Variants in RPS6KA2 observed in about 807,000 individuals in gnomAD.
The protein encoded by RPS6KA2 is ribosomal protein S6 kinase A2, also known as ribosomal protein S6 kinase alpha-2.
A neutral mutation model predicts 91.8 loss-of-function variants in RPS6KA2; 42 were observed. That is an observed-to-expected ratio of 0.46 (90% confidence interval 0.36 to 0.59). The LOEUF (loss-of-function observed/expected upper bound fraction) is 0.59, where lower values mean the gene tolerates loss of function less well. RPS6KA2 is among the 20% of genes least tolerant of loss of function. The probability of loss-of-function intolerance (pLI) is 0.00; values close to 1 mark genes in which losing one functional copy is unlikely to be tolerated. For synonymous variants in RPS6KA2, 414 were observed against 393.6 expected (o/e 1.05, Z -0.61); for missense variants, 798 against 978.5 (o/e 0.82, Z 2.46).
chr6:166,499,670 T>C (rs754198954), intron 7 of RPS6KA2, among the ~76,000 whole-genome samples: 2 of 152,172 alleles, frequency 1.3e-5, no homozygotes, highest in Admixed American at 6.5e-5. Context: ...TTGTGAGGCC[T>C]CCCCAGCCAG....
chr6:166,788,883 C>A (rs1278125823), intron 2 of RPS6KA2, among the ~76,000 whole-genome samples: 1 of 152,096 alleles, frequency 6.6e-6, no homozygotes, highest in Non-Finnish European at 1.5e-5. Context: ...GTGGGTGGAG[C>A]CAAGATGGCT....
chr6:166,548,781 A>G (rs999425671), intron 1 of RPS6KA2, among the ~76,000 whole-genome samples: 4 of 152,352 alleles, frequency 2.6e-5, no homozygotes, highest in Middle Eastern at 6.8e-3. Context: ...CTAGGGAAAA[A>G]TTCTTAGACA....
chr6:166,806,043 G>A (rs1779485395), intron 2 of RPS6KA2, among the ~76,000 whole-genome samples: 1 of 152,144 alleles, frequency 6.6e-6, no homozygotes, highest in Non-Finnish European at 1.5e-5. Context: ...CATATTTAAG[G>A]ATCGGAAAAT....
intron 2 of RPS6KA2, among the ~76,000 whole-genome samples, chr6:166,848,488 A>G (rs193053067): frequency 2.9e-3 from 437 of 152,332 alleles, no homozygotes; most frequent in Non-Finnish European, 4.3e-3. Context: ...TGCAAATGCA[A>G]AAATGTGGAA....
intron 2 of RPS6KA2, chr6:166,702,007 TG>T (rs1309171730): frequency 4.9e-5 from 50 of 1,024,202 alleles, no homozygotes; most frequent in Admixed American, 3.9e-4. Context: ...GGATCTCTTC[TG>T]TGAATTTTAC....
At chr6:166,671,476 C>G (rs867953465) in intron 2 of RPS6KA2, among the ~76,000 whole-genome samples, 2 of 152,032 alleles carry the variant, frequency 1.3e-5, no homozygotes, top group Non-Finnish European at 1.5e-5. Flanking sequence ...ACGCTGGTGA[C>G]CTGTATATTG....
chr6:166,617,976 G>A (rs1786480560), intron 1 of RPS6KA2, among the ~76,000 whole-genome samples: 1 of 152,230 alleles, frequency 6.6e-6, no homozygotes, highest in Non-Finnish European at 1.5e-5. Context: ...GGTCCAGGCT[G>A]ATGACACCAT....
intron 2 of RPS6KA2, among the ~76,000 whole-genome samples, chr6:166,845,310 G>A (rs770543026): frequency 8.5e-5 from 13 of 152,140 alleles, no homozygotes; most frequent in East Asian, 1.9e-4. Flanking sequence ...TCATCAAGAC[G>A]GAAAGTCAAC....
intron 2 of RPS6KA2, among the ~76,000 whole-genome samples, chr6:166,787,965 A>T (rs1375243869): frequency 1.3e-5 from 2 of 148,412 alleles, no homozygotes; most frequent in Non-Finnish European, 3.0e-5. Context: ...AAAGAAGTTA[A>T]ACAAATTTAC....
intron 2 of RPS6KA2, among the ~76,000 whole-genome samples, chr6:166,688,646 G>A (rs919211801): frequency 2.6e-5 from 4 of 152,238 alleles, no homozygotes; most frequent in Admixed American, 2.6e-4. Flanking sequence ...GTAGGGGGCG[G>A]GAAGGCGAGA....
intron 1 of RPS6KA2, among the ~76,000 whole-genome samples, chr6:166,860,561 A>G (rs7767948): frequency 0.77 from 117,037 of 152,084 alleles, 49,419 homozygotes; most frequent in Non-Finnish European, 0.93. Context: ...GAAATAATGT[A>G]AAGACCAGGG....
chr6:166,761,585 A>T (rs1276848071), intron 2 of RPS6KA2, among the ~76,000 whole-genome samples: 1 of 152,260 alleles, frequency 6.6e-6, no homozygotes, highest in African/African-American at 2.4e-5. Flanking sequence ...ACCACGACAC[A>T]GCGGAAAGCA....
chr6:166,488,833 C>A lies in RPS6KA2; in HGVS notation c.907G>T (p.Gly303Cys). ...GGTGGGGTGTCCCGGGGAATCTTACCCAGCCGGTTGCAGGGGTTCCGTTTG... is the reference window on the plus strand; with the variant it reads ...GGTGGGGTGTCCCGGGGAATCTTACACAGCCGGTTGCAGGGGTTCCGTTTG... ...LFKRNPCNRL[G>C]AGIDGVEEIK... Residue 303 changes from glycine (G) to cysteine (C), a missense_variant and splice_region_variant, in exon 10 of 21, where the codon GGT becomes TGT. Coordinates refer to ENST00000265678, the MANE Select transcript of RPS6KA2 (RefSeq NM_021135.6). 6.2e-7 allele frequency: 1 copy of A among 1,612,004 alleles called. No individual in the cohort carries two copies. Among genetic ancestry groups the A allele is most frequent in the Admixed American group, 1.7e-5 (1 of 59,948 alleles).
intron 14 of RPS6KA2, among the ~76,000 whole-genome samples, chr6:166,447,059 G>A (rs1044234953): frequency 2.0e-5 from 3 of 152,176 alleles, no homozygotes; most frequent in African/African-American, 4.8e-5. Context: ...GCCCATCTAA[G>A]TGCTCCTTTA....
At chr6:166,719,569 T>C (rs895670981) in intron 2 of RPS6KA2, among the ~76,000 whole-genome samples, 1 of 152,214 alleles carries the variant, frequency 6.6e-6, no homozygotes, top group Non-Finnish European at 1.5e-5. Context: ...TGAAAATACA[T>C]CTATTTTGCA....
chr6:166,414,427 T>C (rs535085418), intron 19 of RPS6KA2, among the ~76,000 whole-genome samples: 3 of 152,240 alleles, frequency 2.0e-5, no homozygotes, highest in African/African-American at 4.8e-5. Flanking sequence ...TGTGCAATAA[T>C]GGTATTTTTC....
chr6:166,488,774 G>A, intron 10 of RPS6KA2, 59 bp downstream of exon 10: 1 of 1,380,860 alleles, frequency 7.2e-7, no homozygotes, highest in South Asian at 1.2e-5. Context: ...CATCTCCACT[G>A]TAGCTTGCGG....
chr6:166,435,938 T>C lies in RPS6KA2; in HGVS notation c.1333-3448A>G, dbSNP rs933932308. 5.3e-5 allele frequency among the ~76,000 whole-genome samples: 8 copies of C among 152,212 alleles called. No homozygotes were observed. Among genetic ancestry groups the C allele is most frequent in the African/African-American group, 1.9e-4 (8 of 41,472 alleles). ...AGCCCCAGCTGAGACCTGGCCTCCC[T>C]GTCCACTCCCTGTGGGGTTGCAGGA... On this transcript the variant is annotated intron_variant, in intron 14 of 20. Coordinates refer to ENST00000265678, the MANE Select transcript of RPS6KA2 (RefSeq NM_021135.6). This position sits in a 1 kb window ranked among gnomAD's most constrained non-coding sequence, Gnocchi z 4.3.
At chr6:166,476,719 G>A (rs891240284) in intron 10 of RPS6KA2, among the ~76,000 whole-genome samples, 3 of 152,044 alleles carry the variant, frequency 2.0e-5, no homozygotes, top group Non-Finnish European at 4.4e-5. Flanking sequence ...CACACTAGGG[G>A]AGACACCAAG....
Sources: allele counts gnomAD v4.1 joint callset (sites outside exome capture counted in the v4.1 genomes callset), GRCh38; gene constraint gnomAD v4.1.1; non-coding constraint Gnocchi (gnomAD v3.1); transcripts MANE v1.5; gene names NCBI Gene and HGNC (gene_info 2026-07-23, HGNC 2026-07-21).